The following MYO1E variants were observed in gnomAD, a reference collection of about 807,000 sequenced individuals.
MYO1E encodes unconventional myosin-Ie.
A neutral mutation model predicts 151.1 loss-of-function variants in MYO1E; 68 were observed. The ratio of observed to expected loss-of-function variants is 0.45; its 90% CI spans 0.37 to 0.55. The LOEUF is 0.55. Among genes scored for constraint, MYO1E ranks in the 20% least tolerant of loss-of-function variants. MYO1E has a pLI of 0.00. For synonymous variants in MYO1E, 601 were observed against 501.7 expected (o/e 1.20, Z -2.64); for missense variants, 1,363 against 1,389.3 (o/e 0.98, Z 0.30).
intron 17 of MYO1E, among the ~76,000 whole-genome samples, chr15:59,194,553 C>T (rs1360740009): frequency 1.3e-5 from 2 of 152,152 alleles, no homozygotes; most frequent in African/African-American, 2.4e-5. Flanking sequence ...TCACTCGACA[C>T]CTAAAAGAGC....
rs530344914 is a variant in MYO1E, at chr15:59,135,634, T to C, written c.*1746A>G. The C allele has an allele frequency of 2.6e-5, 4 of 152,362 alleles. No individual in the cohort carries two copies. The highest frequency in any genetic ancestry group is 9.6e-5 in the African/African-American group (4 of 41,578). 9.4% of individuals were successfully genotyped at this position (152,362 alleles called of 1,614,324 possible). On this transcript the variant is annotated 3_prime_UTR_variant, in exon 28 of 28. Transcript: ENST00000288235. Reference sequence around the variant, plus strand: ...GTTACTGTTACAGAATGGAGTTTGCTCCCTGTTCTTGAAGTAAAACACAGC... The same window carrying C: ...GTTACTGTTACAGAATGGAGTTTGCCCCCTGTTCTTGAAGTAAAACACAGC...
intron 2 of MYO1E, chr15:59,271,298 C>A (rs1418720755): frequency 6.6e-6 from 1 of 152,142 alleles, no homozygotes; most frequent in East Asian, 1.9e-4. Context: ...CTATTCTTCC[C>A]CAAGCTTTTT....
chr15:59,266,660 G>GTT (rs1566996542), intron 2 of MYO1E: 1 of 134,692 alleles, frequency 7.4e-6, no homozygotes, highest in African/African-American at 2.6e-5. Flanking sequence ...TTGTTTTGCT[G>GTT]TTCTTTTTTT....
chr15:59,170,147 C>T (rs2079583739), intron 22 of MYO1E, among the ~76,000 whole-genome samples: 1 of 151,648 alleles, frequency 6.6e-6, no homozygotes, highest in South Asian at 2.1e-4. Context: ...GGTGACAGAG[C>T]GAGACTCTGT....
intron 18 of MYO1E, among the ~76,000 whole-genome samples, chr15:59,187,220 A>G (rs1376109774): frequency 6.6e-6 from 1 of 152,260 alleles, no homozygotes; most frequent in African/African-American, 2.4e-5. Context: ...AATAACAGTA[A>G]AAGAATTATT....
rs140534834 is a variant in MYO1E at position 59,177,580 on chromosome 15, C to T, written c.2049+813G>A. On this transcript the variant is annotated intron_variant, in intron 19 of 27. Coordinates refer to ENST00000288235, the MANE Select transcript of MYO1E (RefSeq NM_004998.4). ...CTTGAGAAACGATGATGCTGAGCCT[C>T]GGTTCCAGCAGTTTCTCCAGCTTAA... Among the ~76,000 whole-genome samples the T allele has an allele frequency of 2.3e-4, 35 of 152,282 alleles. 1 individual carries two copies. The East Asian group carries it at 5.6e-3, about 24-fold the overall frequency.
At position 59,224,744 on chromosome 15, in the gene MYO1E, G is replaced by A. The variant is rs762748529; in HGVS notation, c.722C>T (p.Ser241Leu). ...AATGTCATCAACCTTGTATGAGCCC[G>A]AGAGGCTCAGGTAGTAATAATAGTC... ...SMDYYYYLSL[S>L]GSYKVDDIDD... The change falls in exon 8 of 28, where the codon TCG becomes TTG. Residue 241 changes from serine to leucine, a missense_variant. Transcript: ENST00000288235. 3.1e-6 allele frequency: 5 copies of A among 1,614,184 alleles called. No individual in the cohort carries two copies. The highest frequency in any genetic ancestry group is 1.7e-5 in the Admixed American group (1 of 60,026).
intron 18 of MYO1E, among the ~76,000 whole-genome samples, chr15:59,183,216 C>A (rs1283995695): frequency 2.0e-5 from 3 of 152,124 alleles, no homozygotes; most frequent in Non-Finnish European, 4.4e-5. Flanking sequence ...GCACTCTCAG[C>A]ATTGTTTATG....
chr15:59,226,100 T>C (rs1239278124), intron 7 of MYO1E, among the ~76,000 whole-genome samples: 2 of 152,228 alleles, frequency 1.3e-5, no homozygotes, highest in African/African-American at 4.8e-5. Context: ...TACACTTCCA[T>C]CTAGCACTGG....
At chr15:59,230,337 G>T (rs538657509) in intron 6 of MYO1E, among the ~76,000 whole-genome samples, 4 of 151,554 alleles carry the variant, frequency 2.6e-5, no homozygotes, top group South Asian at 2.1e-4. Flanking sequence ...AATAATAAAT[G>T]TTGAGTGTTT....
At chr15:59,250,832 G>T (rs994731721) in intron 4 of MYO1E, among the ~76,000 whole-genome samples, 7 of 152,132 alleles carry the variant, frequency 4.6e-5, no homozygotes, top group Non-Finnish European at 1.0e-4. Context: ...TTGGGAGCAG[G>T]TCCTTGAAAT....
At chr15:59,319,541 T>C (rs2080611422) in intron 1 of MYO1E, among the ~76,000 whole-genome samples, 1 of 127,508 alleles carries the variant, frequency 7.8e-6, no homozygotes, top group Admixed American at 8.7e-5. Context: ...GGAAAAGAAG[T>C]CAAACTACCT....
intron 10 of MYO1E, among the ~76,000 whole-genome samples, chr15:59,216,210 A>G (rs2079913241): frequency 6.6e-6 from 1 of 152,024 alleles, no homozygotes; most frequent in Admixed American, 6.6e-5. Flanking sequence ...TATAAACGTC[A>G]AAGAAACAAA....
chr15:59,169,565 C>CT (rs1274001694), intron 22 of MYO1E, among the ~76,000 whole-genome samples: 4 of 151,442 alleles, frequency 2.6e-5, no homozygotes, highest in South Asian at 2.1e-4. Context: ...CTCACACTTT[C>CT]TTTTTTTTTC....
chr15:59,216,293 A>G (rs1439411084), intron 10 of MYO1E, among the ~76,000 whole-genome samples: 1 of 151,870 alleles, frequency 6.6e-6, no homozygotes, highest in East Asian at 1.9e-4. Flanking sequence ...TCCTTAATCG[A>G]TCTATGCCTC....
At chr15:59,305,733 C>G (rs1301649402) in intron 1 of MYO1E, among the ~76,000 whole-genome samples, 2 of 152,294 alleles carry the variant, frequency 1.3e-5, no homozygotes, top group African/African-American at 4.8e-5. Context: ...GTTATAAAAT[C>G]TCGGGCTTTT....
chr15:59,367,826 A>G (rs1009089568), intron 1 of MYO1E, among the ~76,000 whole-genome samples: 3 of 152,216 alleles, frequency 2.0e-5, no homozygotes, highest in African/African-American at 7.2e-5. Flanking sequence ...ATCACATATA[A>G]AAATTGGCAG....
At chr15:59,301,326 A>G (rs1223592031) in intron 1 of MYO1E, among the ~76,000 whole-genome samples, 1 of 152,172 alleles carries the variant, frequency 6.6e-6, no homozygotes, top group Non-Finnish European at 1.5e-5. Flanking sequence ...TAATTCTCCC[A>G]TTTATACTAT....
At chr15:59,363,506 T>C (rs1210890062) in intron 1 of MYO1E, among the ~76,000 whole-genome samples, 1 of 152,202 alleles carries the variant, frequency 6.6e-6, no homozygotes, top group Non-Finnish European at 1.5e-5. Context: ...TGAAAAAGTA[T>C]ACAAATACGT....
Sources: allele counts gnomAD v4.1 joint callset (sites outside exome capture counted in the v4.1 genomes callset), GRCh38; gene constraint gnomAD v4.1.1; transcripts MANE v1.5; gene names NCBI Gene and HGNC (gene_info 2026-07-23, HGNC 2026-07-21).